DENND1A: variants seen among roughly 807,000 people sequenced by gnomAD.
DENND1A encodes the protein DENN domain containing 1A.
In DENND1A, 51 loss-of-function variants were observed where a neutral mutation model predicts 113.7. The ratio of observed to expected loss-of-function variants is 0.45; its 90% confidence interval spans 0.36 to 0.57. The LOEUF is 0.57. DENND1A is among the 20% of genes least tolerant of loss of function. The pLI is 0.00. For missense variants in DENND1A, 1,258 were observed against 1,395.9 expected (o/e 0.90, Z 1.57); for synonymous variants, 565 against 570.8 (o/e 0.99, Z 0.14).
In DENND1A at chr9:123,706,783, A is replaced by T. The variant is rs909527484; in HGVS notation, c.303-29994T>A. 2.6e-5 allele frequency among the ~76,000 whole-genome samples: 4 copies of T among 151,296 alleles called. No homozygotes were observed. In the East Asian group the frequency reaches 7.8e-4, roughly 30 times the overall value. ...GAGACTCCGTCTCAAAAAAAAAAAA[A>T]AAAAAAAAAAAAAATAGAGAAGGGT... On this transcript the variant is annotated intron_variant, in intron 5 of 23. Coordinates refer to ENST00000394215, the MANE Select transcript of DENND1A (RefSeq NM_001352964.2).
chr9:123,585,370 GACA>G (rs1318054013), intron 11 of DENND1A, among the ~76,000 whole-genome samples: 2 of 152,180 alleles, frequency 1.3e-5, no homozygotes, highest in African/African-American at 4.8e-5. Flanking sequence ...TCAGCGAATG[GACA>G]ACTTTGATTG....
intron 5 of DENND1A, among the ~76,000 whole-genome samples, chr9:123,691,984 A>G (rs2065218824): frequency 6.6e-6 from 1 of 152,194 alleles, no homozygotes; most frequent in Non-Finnish European, 1.5e-5. Context: ...CTTCCTTCAG[A>G]AGCAGTGTCC....
At chr9:123,727,074 A>G (rs1268179426) in intron 5 of DENND1A, among the ~76,000 whole-genome samples, 1 of 152,224 alleles carries the variant, frequency 6.6e-6, no homozygotes, top group African/African-American at 2.4e-5. Flanking sequence ...CGGGATGATC[A>G]GCATTAAAGT....
In DENND1A at chr9:123,505,054, C is replaced by A. The variant is rs558974565; in HGVS notation, c.994-47157G>T. ...AATGTTAAATAATGAAGTCTTTAGA[C>A]AGTCACATATTTCTGCAAGATAACT... On this transcript the variant is annotated intron_variant, in intron 13 of 23. Coordinates refer to ENST00000394215, the MANE Select transcript of DENND1A (RefSeq NM_001352964.2). Among the ~76,000 whole-genome samples, 4 of 152,332 alleles carry A rather than the reference C, an allele frequency of 2.6e-5. 1 individual carries two copies. In the East Asian group the frequency reaches 7.7e-4, roughly 29 times the overall value.
chr9:123,732,891 CTCAAAGAGTTTTTAATGAGGA>C (rs1397697192), intron 5 of DENND1A, among the ~76,000 whole-genome samples: 1 of 152,174 alleles, frequency 6.6e-6, no homozygotes, highest in African/African-American at 2.4e-5. Flanking sequence ...ATAGTGCTTT[CTCAAAGAGTTTTTAATGAGGA>C]TTAAATGAGA....
rs17292994 is a variant in DENND1A, at chr9:123,855,303, C to T, written c.88+23648G>A. ...GGGTGCCAAGAGGGAGGGTATCTAACCAAGTCTGTGAAGGATGGCAGAGAG... is the reference window on the plus strand; with the variant it reads ...GGGTGCCAAGAGGGAGGGTATCTAATCAAGTCTGTGAAGGATGGCAGAGAG... On this transcript the variant is annotated intron_variant, in intron 2 of 23. Transcript: ENST00000394215. Among the ~76,000 whole-genome samples the T allele has an allele frequency of 8.7e-3, 1,316 of 150,728 alleles. 22 individuals are homozygous for T. The highest frequency in any genetic ancestry group is 0.013 in the Non-Finnish European group (911 of 67,984).
intron 13 of DENND1A, among the ~76,000 whole-genome samples, chr9:123,552,965 C>G (rs2057192187): frequency 6.6e-6 from 1 of 152,236 alleles, no homozygotes; most frequent in Non-Finnish European, 1.5e-5. Context: ...ATCAAAAAGA[C>G]CAGCATGCCG....
chr9:123,592,077 G>A (rs545502741), intron 11 of DENND1A, among the ~76,000 whole-genome samples: 1 of 152,258 alleles, frequency 6.6e-6, no homozygotes, highest in Admixed American at 6.5e-5. Context: ...GCTGTGTTGC[G>A]AGGATTTAGT....
chr9:123,453,522 G>C (rs568493122), intron 16 of DENND1A, among the ~76,000 whole-genome samples: 3 of 152,278 alleles, frequency 2.0e-5, no homozygotes, highest in African/African-American at 7.2e-5. Context: ...AGGCCAGATG[G>C]GGCCAGCTCG....
chr9:123,612,819 C>T (rs117443358), intron 10 of DENND1A, among the ~76,000 whole-genome samples: 30 of 152,308 alleles, frequency 2.0e-4, no homozygotes, highest in Non-Finnish European at 4.0e-4. Flanking sequence ...TCCAATAAGG[C>T]AGTACCTGGC....
At chr9:123,540,037 T>TC (rs2056169200) in intron 13 of DENND1A, among the ~76,000 whole-genome samples, 2 of 152,182 alleles carry the variant, frequency 1.3e-5, no homozygotes, top group African/African-American at 4.8e-5. Context: ...TTGTAAACAG[T>TC]GTCAGCATGA....
chr9:123,559,995 G>A (rs191405420), intron 12 of DENND1A, among the ~76,000 whole-genome samples: 6 of 119,998 alleles, frequency 5.0e-5, no homozygotes, highest in South Asian at 2.3e-4. Context: ...AACAAGGTTC[G>A]TCCATGTTGT....
intron 2 of DENND1A, among the ~76,000 whole-genome samples, chr9:123,822,216 A>C (rs928270791): frequency 6.6e-6 from 1 of 152,232 alleles, no homozygotes. Context: ...AAAGCAATAA[A>C]ATTTAATAAG....
intron 13 of DENND1A, among the ~76,000 whole-genome samples, chr9:123,522,206 G>A (rs573803389): frequency 2.6e-5 from 4 of 152,338 alleles, no homozygotes; most frequent in African/African-American, 9.6e-5. Flanking sequence ...CCTTGGACAT[G>A]GGGTCTGTGT....
intron 19 of DENND1A, among the ~76,000 whole-genome samples, chr9:123,416,693 G>A (rs987386755): frequency 1.3e-5 from 2 of 152,200 alleles, no homozygotes; most frequent in African/African-American, 4.8e-5. Flanking sequence ...AGAGAGGGCC[G>A]GCGAAGCGGG....
At position 123,505,835 on chromosome 9, in the gene DENND1A, G is replaced by A. The variant is rs574248887; in HGVS notation, c.994-47938C>T. On this transcript the variant is annotated intron_variant, in intron 13 of 23. Transcript: ENST00000394215. Reference sequence around the variant, plus strand: ...ATAGAATATTTAAAGGTCCCCCAGCGACACGAGGCTCTCGGATGGCCTTGG... The same window carrying A: ...ATAGAATATTTAAAGGTCCCCCAGCAACACGAGGCTCTCGGATGGCCTTGG... 9.2e-5 allele frequency among the ~76,000 whole-genome samples: 14 copies of A among 152,230 alleles called. 1 individual carries two copies. The highest frequency in any genetic ancestry group is 7.2e-4 in the Admixed American group (11 of 15,300).
At chr9:123,796,086 A>G (rs1241758523) in intron 2 of DENND1A, among the ~76,000 whole-genome samples, 1 of 152,248 alleles carries the variant, frequency 6.6e-6, no homozygotes, top group Non-Finnish European at 1.5e-5. Flanking sequence ...ACTTTTCAAC[A>G]GGAAAAAAAT....
intron 8 of DENND1A, among the ~76,000 whole-genome samples, chr9:123,656,688 T>C (rs1400024799): frequency 2.0e-5 from 3 of 152,212 alleles, no homozygotes; most frequent in Middle Eastern, 3.2e-3. Context: ...CTGTCAAACA[T>C]GGTGTCCCTG....
Position 123,564,980 on chromosome 9 carries a change from CTTT to C in DENND1A, c.868-7288_868-7286del, listed in dbSNP as rs199613371. On this transcript the variant is annotated intron_variant, in intron 12 of 23. Coordinates refer to ENST00000394215, the MANE Select transcript of DENND1A (RefSeq NM_001352964.2). Reference sequence around the variant, plus strand: ...AGAATCCAATTAATGTCTGTCCCTTCTTTTTTTTTTTTTTTTTTTTTTTTTCAG... The same window carrying C: ...AGAATCCAATTAATGTCTGTCCCTTCTTTTTTTTTTTTTTTTTTTTTTCAG... Among the ~76,000 whole-genome samples the C allele has an allele frequency of 1.6e-3, 123 of 75,718 alleles. 1 individual carries two copies. The highest frequency in any genetic ancestry group is 6.0e-3 in the African/African-American group (115 of 19,030). The allele number at this position is 75,718 out of a possible 152,430, so 49.7% of individuals were successfully genotyped here.
Sources: allele counts gnomAD v4.1 joint callset (sites outside exome capture counted in the v4.1 genomes callset), GRCh38; gene constraint gnomAD v4.1.1; transcripts MANE v1.5; gene names NCBI Gene and HGNC (gene_info 2026-07-23, HGNC 2026-07-21).